The following PARD3 variants were observed in gnomAD, a reference collection of about 807,000 sequenced individuals.
PARD3 encodes partitioning defective 3 homolog.
A neutral mutation model predicts 155.4 loss-of-function variants in PARD3; 75 were observed. That is an observed-to-expected ratio of 0.48 (90% confidence interval 0.40 to 0.58). The LOEUF (loss-of-function observed/expected upper bound fraction) is 0.58. Ranked by LOEUF, PARD3 falls within the 20% of genes least tolerant of loss-of-function variation. The probability of loss-of-function intolerance (pLI) is 0.00; values close to 1 mark genes in which losing one functional copy is unlikely to be tolerated. For missense variants in PARD3, 1,642 were observed against 1,721.7 expected, an observed-to-expected ratio of 0.95 and a Z score of 0.82; for synonymous variants, 576 against 610.5, an observed-to-expected ratio of 0.94 and a Z score of 0.83.
chr10:34,367,518 A>G (rs1840087064), intron 12 of PARD3, among the ~76,000 whole-genome samples: 1 of 152,154 alleles, frequency 6.6e-6, no homozygotes, highest in Non-Finnish European at 1.5e-5. Context: ...ATCCTGGCCA[A>G]CATGGTGAAA....
chr10:34,758,672 C>T (rs1837047994), intron 1 of PARD3, among the ~76,000 whole-genome samples: 1 of 152,156 alleles, frequency 6.6e-6, no homozygotes, highest in African/African-American at 2.4e-5. Context: ...GTGTTTTAAT[C>T]CTGGAAGCAC....
intron 5 of PARD3, among the ~76,000 whole-genome samples, chr10:34,434,079 T>C (rs2076076294): frequency 6.6e-6 from 1 of 152,136 alleles, no homozygotes; most frequent in Non-Finnish European, 1.5e-5. Context: ...CTAAGAATAA[T>C]GAGCTGAAGG....
intron 2 of PARD3, among the ~76,000 whole-genome samples, chr10:34,672,971 C>G (rs531769447): frequency 1.3e-5 from 2 of 152,220 alleles, no homozygotes; most frequent in Admixed American, 1.3e-4. Flanking sequence ...TTGTTAATAC[C>G]TCTAGGATGA....
In PARD3 at chr10:34,254,510, G is replaced by C. The variant is rs75113021; in HGVS notation, c.3419+15147C>G. Among the ~76,000 whole-genome samples the C allele has an allele frequency of 5.8e-3, 878 of 151,910 alleles. 8 individuals carry two copies. Among genetic ancestry groups the C allele is most frequent in the African/African-American group, 0.02 (832 of 41,378 alleles). On this transcript the variant is annotated intron_variant, in intron 22 of 24. Transcript: ENST00000374788. ...CAACATTTAAAAATAGTGATGAAAGGTGAGTATTAACATCTAGGTAGGTAA... is the reference window on the plus strand; with the variant it reads ...CAACATTTAAAAATAGTGATGAAAGCTGAGTATTAACATCTAGGTAGGTAA...
chr10:34,428,169 T>C lies in PARD3; in HGVS notation c.714+22148A>G, dbSNP rs188247936. ...TCCAGCATTTCCCCAATCTTCAAGA[T>C]AGAACAACTAACTGAGGAAGAATCT... On this transcript the variant is annotated intron_variant, in intron 5 of 24. Coordinates refer to ENST00000374788, the MANE Select transcript of PARD3 (RefSeq NM_001184785.2). Among the ~76,000 whole-genome samples the C allele has an allele frequency of 8.7e-4, 133 of 152,274 alleles. 1 individual carries two copies. Among genetic ancestry groups the C allele is most frequent in the African/African-American group, 3.1e-3 (127 of 41,562 alleles).
At chr10:34,588,790 G>A (rs952434168) in intron 2 of PARD3, among the ~76,000 whole-genome samples, 1 of 152,202 alleles carries the variant, frequency 6.6e-6, no homozygotes, top group Non-Finnish European at 1.5e-5. Context: ...TATGGTCTGA[G>A]GGCTGGCAGC....
intron 20 of PARD3, chr10:34,312,377 G>C (rs771329986): frequency 1.2e-6 from 2 of 1,612,614 alleles, no homozygotes; most frequent in South Asian, 1.1e-5. Flanking sequence ...CTTCAGTTTG[G>C]CAAGGCTAAA....
At chr10:34,623,832 T>C (rs1369890807) in intron 2 of PARD3, among the ~76,000 whole-genome samples, 3 of 149,818 alleles carry the variant, frequency 2.0e-5, no homozygotes, top group African/African-American at 7.3e-5. Context: ...ATACAAAAAA[T>C]TAGCCAAGCA....
At chr10:34,609,268 CACA>C (rs897807600) in intron 2 of PARD3, among the ~76,000 whole-genome samples, 5 of 152,134 alleles carry the variant, frequency 3.3e-5, no homozygotes, top group Admixed American at 2.0e-4. Flanking sequence ...TTAATATTCA[CACA>C]ACATTAAAAT....
chr10:34,768,330 T>C (rs571703614), intron 1 of PARD3, among the ~76,000 whole-genome samples: 12 of 101,618 alleles, frequency 1.2e-4, no homozygotes, highest in Middle Eastern at 4.8e-3. Flanking sequence ...AAGATGAACA[T>C]TGGTTCCATC....
intron 1 of PARD3, 79 bp downstream of exon 1, chr10:34,814,797 C>T (rs1844697429): frequency 2.4e-6 from 3 of 1,240,346 alleles, no homozygotes; most frequent in Non-Finnish European, 3.3e-6. Context: ...CCTCTCCTCC[C>T]CCTTCCAGGA....
At chr10:34,265,709 A>G (rs1955266526) in intron 22 of PARD3, among the ~76,000 whole-genome samples, 1 of 152,200 alleles carries the variant, frequency 6.6e-6, no homozygotes, top group Non-Finnish European at 1.5e-5. Context: ...CATATTCTAG[A>G]TCTTCTTACA....
intron 3 of PARD3, among the ~76,000 whole-genome samples, chr10:34,509,357 A>G (rs16935467): frequency 0.028 from 4,242 of 152,240 alleles, 202 homozygotes; most frequent in African/African-American, 0.097. Context: ...CAAGGGGGTC[A>G]AGGTGTAATG....
chr10:34,474,622 G>A (rs148925383), intron 3 of PARD3, among the ~76,000 whole-genome samples: 1 of 152,174 alleles, frequency 6.6e-6, no homozygotes, highest in Non-Finnish European at 1.5e-5. Flanking sequence ...AAAAACATGC[G>A]ACCCACGTCA....
chr10:34,317,416 A>G (rs1958077191), intron 19 of PARD3, 78 bp from the exon 20 acceptor site: 2 of 1,465,084 alleles, frequency 1.4e-6, no homozygotes, highest in Non-Finnish European at 1.8e-6. Context: ...ACATTCAAGG[A>G]CTTTACTTTC....
intron 22 of PARD3, among the ~76,000 whole-genome samples, chr10:34,231,115 T>A (rs1022783069): frequency 1.3e-5 from 2 of 151,954 alleles, no homozygotes; most frequent in African/African-American, 4.8e-5. Flanking sequence ...TTTCTCAGTT[T>A]GTCATATTTG....
chr10:34,265,738 C>A (rs1173640031), intron 22 of PARD3, among the ~76,000 whole-genome samples: 1 of 152,138 alleles, frequency 6.6e-6, no homozygotes, highest in Non-Finnish European at 1.5e-5. Context: ...ATTTCACTGT[C>A]TGAATTTGGG....
At chr10:34,184,066 C>T (rs929784234) in intron 22 of PARD3, among the ~76,000 whole-genome samples, 2 of 152,208 alleles carry the variant, frequency 1.3e-5, no homozygotes, top group African/African-American at 4.8e-5. Context: ...AACCCATCTG[C>T]CTCTGCCTCC....
At chr10:34,639,059 C>G (rs186215805) in intron 2 of PARD3, among the ~76,000 whole-genome samples, 37 of 152,296 alleles carry the variant, frequency 2.4e-4, no homozygotes, top group Non-Finnish European at 4.1e-4. Context: ...TCATTCTAAT[C>G]TATGAAAGAA....
Sources: allele counts gnomAD v4.1 joint callset (sites outside exome capture counted in the v4.1 genomes callset), GRCh38; gene constraint gnomAD v4.1.1; transcripts MANE v1.5; gene names NCBI Gene and HGNC (gene_info 2026-07-23, HGNC 2026-07-21).